CTNNA2: variants seen among roughly 807,000 people sequenced by gnomAD.
CTNNA2 encodes catenin alpha-2.
Under a neutral mutation model 101.0 loss-of-function variants are expected in CTNNA2, and 42 were observed. That is an observed-to-expected ratio of 0.42 (90% CI 0.32 to 0.54). The LOEUF is 0.54. Ranked by LOEUF, CTNNA2 falls within the 20% of genes least tolerant of loss-of-function variation. The pLI is 0.14. For missense variants in CTNNA2, 871 were observed against 1,223.1 expected, an observed-to-expected ratio of 0.71 and a Z score of 4.29; for synonymous variants, 450 against 456.4, an observed-to-expected ratio of 0.99 and a Z score of 0.18.
chr2:80,116,409 G>A (rs1701525275), intron 7 of CTNNA2, among the ~76,000 whole-genome samples: 2 of 151,022 alleles, frequency 1.3e-5, no homozygotes, highest in Non-Finnish European at 1.5e-5. Flanking sequence ...GACACAATTA[G>A]ATTTTAGAAT....
intron 9 of CTNNA2, among the ~76,000 whole-genome samples, chr2:80,491,237 A>G (rs1687034957): frequency 6.6e-6 from 1 of 152,188 alleles, no homozygotes; most frequent in South Asian, 2.1e-4. Context: ...CAGACTTTAA[A>G]TGGTAAAGGA....
At chr2:79,942,208 G>A (rs1381680618) in intron 7 of CTNNA2, among the ~76,000 whole-genome samples, 1 of 152,170 alleles carries the variant, frequency 6.6e-6, no homozygotes, top group Non-Finnish European at 1.5e-5. Flanking sequence ...CAGCCAGCAA[G>A]TGCCTATGCC....
chr2:80,069,144 C>T (rs1698167942), intron 7 of CTNNA2, among the ~76,000 whole-genome samples: 2 of 152,106 alleles, frequency 1.3e-5, no homozygotes, highest in Admixed American at 1.3e-4. Context: ...GATAGATGTC[C>T]CAGCTTGAGA....
chr2:80,595,142 T>C (rs1215049855), intron 15 of CTNNA2, among the ~76,000 whole-genome samples: 1 of 152,172 alleles, frequency 6.6e-6, no homozygotes, highest in Non-Finnish European at 1.5e-5. Context: ...ATTGAATGAC[T>C]TTCCATTTAT....
intron 2 of CTNNA2, among the ~76,000 whole-genome samples, chr2:79,670,557 G>A (rs373223681): frequency 6.6e-6 from 1 of 152,192 alleles, no homozygotes; most frequent in Admixed American, 6.5e-5. Context: ...TGAAATAAAT[G>A]AAGAAATAAA....
intron 4 of CTNNA2, among the ~76,000 whole-genome samples, chr2:79,397,598 C>CT (rs1678246961): frequency 6.6e-6 from 1 of 152,126 alleles, no homozygotes; most frequent in East Asian, 1.9e-4. Context: ...GCAGAGAAGT[C>CT]TTCAGTCTTT....
intron 12 of CTNNA2, among the ~76,000 whole-genome samples, chr2:80,556,881 A>G (rs920920472): frequency 3.9e-5 from 6 of 152,184 alleles, no homozygotes; most frequent in Non-Finnish European, 8.8e-5. Context: ...AGGTTTGCCT[A>G]TGAGCTTTGG....
In CTNNA2 at chr2:80,545,998, A is replaced by T; in HGVS notation, c.1475A>T (p.Gln492Leu). 6.2e-7 allele frequency: 1 copy of T among 1,614,112 alleles called. No individual in the cohort carries two copies. Among genetic ancestry groups the T allele is most frequent in the Non-Finnish European group, 8.5e-7 (1 of 1,179,992 alleles). The change falls in exon 11 of 19, where the codon CAG (glutamine) becomes CTG (leucine). Residue 492 changes from glutamine to leucine, a missense_variant. By Grantham distance (113) the Gln-to-Leu change is moderately radical. Around this residue, in one of 5 missense-constraint regions of CTNNA2, gnomAD observed 647 missense variants for 831.5 expected, o/e 0.78. Coordinates refer to ENST00000402739, the MANE Select transcript of CTNNA2 (RefSeq NM_001282597.3). ...GTCTTCAAAGACCAGTGGGAGAAGC[A>T]GGTCCGAGTGTTGACAGAGGCCGTG... The part of the protein sequence containing the change: ...MDVFKDQWEK[Q>L]VRVLTEAVDD...
intron 7 of CTNNA2, among the ~76,000 whole-genome samples, chr2:79,944,505 A>G (rs552548476): frequency 1.5e-4 from 23 of 152,200 alleles, no homozygotes; most frequent in Non-Finnish European, 3.1e-4. Flanking sequence ...CACATAGGCC[A>G]CTATGTCACT....
chr2:80,014,525 G>C (rs1694002510), intron 7 of CTNNA2, among the ~76,000 whole-genome samples: 1 of 152,006 alleles, frequency 6.6e-6, no homozygotes, highest in South Asian at 2.1e-4. Flanking sequence ...CCTCACCAAA[G>C]TTTTTGAACC....
At chr2:79,318,280 G>A (rs1198724350) in intron 3 of CTNNA2, among the ~76,000 whole-genome samples, 5 of 152,098 alleles carry the variant, frequency 3.3e-5, no homozygotes, top group East Asian at 1.9e-4. Flanking sequence ...TTTCTTCATC[G>A]TTGTTCTTCT....
At chr2:79,191,179 G>A (rs1435847071) in intron 1 of CTNNA2, among the ~76,000 whole-genome samples, 1 of 152,208 alleles carries the variant, frequency 6.6e-6, no homozygotes, top group Non-Finnish European at 1.5e-5. Context: ...TGAGCTGCAA[G>A]TGCTGTTGCA....
intron 6 of CTNNA2, among the ~76,000 whole-genome samples, chr2:79,889,877 A>G (rs1286136655): frequency 6.6e-6 from 1 of 152,174 alleles, no homozygotes; most frequent in African/African-American, 2.4e-5. Context: ...CCAAACCCTA[A>G]TGCATAACAG....
At chr2:80,264,519 G>C (rs559244316) in intron 7 of CTNNA2, among the ~76,000 whole-genome samples, 23 of 152,176 alleles carry the variant, frequency 1.5e-4, no homozygotes, top group Middle Eastern at 3.4e-3. Context: ...TGGTGAAAGA[G>C]GTAACTGTTT....
At chr2:80,143,311 CA>C (rs1703128321) in intron 7 of CTNNA2, among the ~76,000 whole-genome samples, 1 of 152,076 alleles carries the variant, frequency 6.6e-6, no homozygotes, top group Non-Finnish European at 1.5e-5. Context: ...TTGGGACTGT[CA>C]AATCATAATT....
chr2:79,874,975 C>T (rs1466802336), intron 6 of CTNNA2, among the ~76,000 whole-genome samples: 1 of 152,130 alleles, frequency 6.6e-6, no homozygotes, highest in African/African-American at 2.4e-5. Context: ...CTATGTTGTG[C>T]CTGCGTGAAA....
At chr2:79,411,312 C>G (rs1273588368) in intron 4 of CTNNA2, among the ~76,000 whole-genome samples, 2 of 151,858 alleles carry the variant, frequency 1.3e-5, no homozygotes, top group Admixed American at 6.6e-5. Flanking sequence ...CAGTTCTGCT[C>G]TGATTTTAGT....
At chr2:80,269,459 G>A (rs117457702) in intron 7 of CTNNA2, among the ~76,000 whole-genome samples, 22 of 152,136 alleles carry the variant, frequency 1.4e-4, no homozygotes, top group Admixed American at 9.8e-4. Context: ...TGTAAGTCTC[G>A]GGTATATCCT....
chr2:80,079,238 A>G (rs920456835), intron 7 of CTNNA2, among the ~76,000 whole-genome samples: 2 of 152,164 alleles, frequency 1.3e-5, no homozygotes, highest in Non-Finnish European at 2.9e-5. Context: ...CCCTCACCTG[A>G]CATATAATAT....
Sources: gnomAD v4.1 joint callset for allele counts (sites outside exome capture counted in the v4.1 genomes callset) on GRCh38, gnomAD v4.1.1 for gene constraint, gnomAD v4.1.1 regional missense constraint, MANE v1.5 for transcripts, NCBI Gene and HGNC (gene_info 2026-07-23, HGNC 2026-07-21) for gene names.